The following TF variants were observed in gnomAD, a reference collection of about 807,000 sequenced individuals.
TF encodes the protein serotransferrin.
TF carries 55 observed loss-of-function variants against 82.4 expected under a neutral mutation model. That is an observed-to-expected ratio of 0.67 (90% CI 0.54 to 0.84). The LOEUF is 0.84. Among genes scored for constraint, TF ranks in the 40% least tolerant of loss-of-function variants. The probability of loss-of-function intolerance (pLI) is 0.00; values close to 1 mark genes in which losing one functional copy is unlikely to be tolerated. For synonymous variants in TF, 332 were observed against 332.6 expected (o/e 1.00, Z 0.02); for missense variants, 737 against 868.4 (o/e 0.85, Z 1.90).
chr3:133,764,237 A>G lies in TF; in HGVS notation c.1259A>G (p.Lys420Arg). 6.2e-7 allele frequency: 1 copy of G among 1,614,000 alleles called. No homozygotes were observed. Among genetic ancestry groups the G allele is most frequent in the Non-Finnish European group, 8.5e-7 (1 of 1,179,880 alleles). ...GGAGGGTTTGTCTACATAGCGGGCA[A>G]GTGTGGTCTGGTGCCTGTCTTGGCA... is the stretch of plus-strand genomic sequence containing the variant. ...LDGGFVYIAG[K>R]CGLVPVLAEN... The change falls in exon 10 of 17, where the codon AAG (lysine) becomes AGG (arginine). Residue 420 changes from lysine (K) to arginine (R), a missense_variant. Physicochemically the swap from Lys to Arg is conservative, Grantham distance 26 (BLOSUM62 2). Transcript: ENST00000402696.
the TF span, among the ~76,000 whole-genome samples, chr3:133,733,145 A>G: frequency 6.6e-6 from 1 of 152,208 alleles, no homozygotes; most frequent in Non-Finnish European, 1.5e-5. Context: ...ATCAGAATTT[A>G]TTCTTTTGTT....
the TF span, among the ~76,000 whole-genome samples, chr3:133,663,498 C>A: frequency 2.7e-5 from 4 of 145,498 alleles, no homozygotes; most frequent in Non-Finnish European, 6.2e-5. Flanking sequence ...AAAAAAGAAA[C>A]CACAGTTAAT....
chr3:133,724,594 A>G, the TF span, among the ~76,000 whole-genome samples: 1 of 152,072 alleles, frequency 6.6e-6, no homozygotes, highest in South Asian at 2.1e-4. Context: ...ATTTTCTCCC[A>G]TTTTGTAGGC....
At chr3:133,757,455 C>T (rs750635141) in intron 7 of TF, among the ~76,000 whole-genome samples, 3 of 152,218 alleles carry the variant, frequency 2.0e-5, no homozygotes, top group Non-Finnish European at 4.4e-5. Flanking sequence ...GCCGAGCCGT[C>T]CCATCTGTCC....
chr3:133,761,493 C>T (rs8177257), intron 9 of TF: 5,040 of 151,452 alleles, frequency 0.033, 100 homozygotes, highest in Middle Eastern at 0.085. Flanking sequence ...GACACCATCT[C>T]AAAAAAATAA....
chr3:133,669,062 G>A, the TF span, among the ~76,000 whole-genome samples: 3 of 151,794 alleles, frequency 2.0e-5, no homozygotes, highest in South Asian at 2.1e-4. Flanking sequence ...GTGCAATGGC[G>A]CGATCTCAGT....
At chr3:133,675,882 G>T in the TF span, among the ~76,000 whole-genome samples, 1 of 152,182 alleles carries the variant, frequency 6.6e-6, no homozygotes, top group African/African-American at 2.4e-5. Context: ...AGAGACTAAA[G>T]TATTTACTCT....
At chr3:133,682,585 G>A in the TF span, among the ~76,000 whole-genome samples, 3 of 152,166 alleles carry the variant, frequency 2.0e-5, no homozygotes, top group South Asian at 2.1e-4. Flanking sequence ...TAGCCAATTC[G>A]ATCAAGTGGA....
the TF span, among the ~76,000 whole-genome samples, chr3:133,669,291 C>T: frequency 2.6e-5 from 4 of 152,142 alleles, no homozygotes; most frequent in African/African-American, 4.8e-5. Flanking sequence ...CATAAGCCAC[C>T]GTGCCCAGCC....
In TF at chr3:133,775,447, C is replaced by G; in HGVS notation, c.1702C>G (p.Pro568Ala). The G allele has an allele frequency of 6.2e-7, 1 of 1,614,200 alleles. No individual in the cohort carries two copies. The highest frequency in any genetic ancestry group is 1.7e-5 in the Admixed American group (1 of 60,024). ...PQNTGGKNPDPWAKNLNEKDY... is the reference protein window; with the variant it reads ...PQNTGGKNPDAWAKNLNEKDY... ...CCTGTCCCTAGGAAAAAACCCTGAT[C>G]CATGGGCTAAGAATCTGAATGAAAA... Residue 568 changes from proline to alanine, a missense_variant, in exon 15 of 17, where the codon CCA (proline) becomes GCA (alanine). Pro to Ala is a conservative substitution (Grantham distance 27). Transcript: ENST00000402696.
chr3:133,751,394 G>T (rs552920487), intron 2 of TF, among the ~76,000 whole-genome samples: 1 of 151,780 alleles, frequency 6.6e-6, no homozygotes, highest in Non-Finnish European at 1.5e-5. Context: ...CACCATGCCC[G>T]GCTAATTTTT....
the TF span, among the ~76,000 whole-genome samples, chr3:133,739,052 G>C: frequency 4.2e-3 from 640 of 152,252 alleles, 4 homozygotes; most frequent in African/African-American, 0.014. Flanking sequence ...CACACTACCT[G>C]ACTTCAAACT....
chr3:133,735,330 A>C, the TF span, among the ~76,000 whole-genome samples: 1 of 134,102 alleles, frequency 7.5e-6, no homozygotes, highest in Non-Finnish European at 1.6e-5. Context: ...ACTGAGCAAG[A>C]CTCCATCCCA....
At position 133,756,957 on chromosome 3, in the gene TF, G is replaced by T; in HGVS notation, c.818G>T (p.Arg273Leu). 6.2e-7 allele frequency: 1 copy of T among 1,614,152 alleles called. No homozygotes were observed. The highest frequency in any genetic ancestry group is 8.5e-7 in the Non-Finnish European group (1 of 1,179,998). The change falls in exon 7 of 17, where the codon CGA (arginine) becomes CTA (leucine). Residue 273 changes from arginine to leucine, a missense_variant. Arg to Leu is a moderately radical substitution (Grantham distance 102). Transcript: ENST00000402696. ...GTCCCTTCTCATACCGTCGTGGCCC[G>T]AAGTATGGGCGGCAAGGAGGACTTG... ...AQVPSHTVVA[R>L]SMGGKEDLIW...
chr3:133,775,351 C>A, intron 14 of TF, 82 bp from the exon 15 acceptor site: 1 of 1,457,046 alleles, frequency 6.9e-7, no homozygotes, highest in Non-Finnish European at 9.6e-7. Context: ...AGGTTCTCTA[C>A]ACACCACTGA....
At chr3:133,767,912 C>T in intron 12 of TF, 117 bp from the exon 13 acceptor site, 4 of 1,347,798 alleles carry the variant, frequency 3.0e-6, no homozygotes, top group Non-Finnish European at 4.2e-6. Context: ...GGTGGCTGGT[C>T]ACAGAATTAA....
At chr3:133,774,195 C>T (rs1934328518) in intron 14 of TF, 1 of 152,070 alleles carries the variant, frequency 6.6e-6, no homozygotes, top group African/African-American at 2.4e-5. Flanking sequence ...AACATAGTAT[C>T]ATAGATAAAT....
chr3:133,741,393 T>C (rs181840777), upstream of TF, among the ~76,000 whole-genome samples: 4 of 152,314 alleles, frequency 2.6e-5, no homozygotes, highest in Admixed American at 6.5e-5. Context: ...TCCTTTTCAA[T>C]CCTTTTACTT....
the TF span, among the ~76,000 whole-genome samples, chr3:133,723,636 T>TA: frequency 0.043 from 4,761 of 111,842 alleles, 266 homozygotes; most frequent in Admixed American, 0.18. Context: ...TGTTTGGTTC[T>TA]TTTATTATTA....
Sources: gnomAD v4.1 joint callset for allele counts (sites outside exome capture counted in the v4.1 genomes callset) on GRCh38, gnomAD v4.1.1 for gene constraint, MANE v1.5 for transcripts, NCBI Gene and HGNC (gene_info 2026-07-23, HGNC 2026-07-21) for gene names.